The following DNAH14 variants were observed in gnomAD, a reference collection of about 807,000 sequenced individuals.
DNAH14 encodes the protein axonemal beta dynein heavy chain 14.
DNAH14 carries 478 observed loss-of-function variants against 520.9 expected under a neutral mutation model. That is an observed-to-expected ratio of 0.92 (90% CI 0.85 to 0.99). The LOEUF is 0.99. DNAH14 is among the 50% of genes least tolerant of loss of function. DNAH14 has a pLI of 0.00. For missense variants in DNAH14, 4,831 were observed against 5,234.5 expected, an observed-to-expected ratio of 0.92 and a Z score of 2.38; for synonymous variants, 1,581 against 1,757.2, an observed-to-expected ratio of 0.90 and a Z score of 2.51.
chr1:225,224,044 T>C (rs778310033), intron 41 of DNAH14, among the ~76,000 whole-genome samples: 1 of 152,118 alleles, frequency 6.6e-6, no homozygotes, highest in Non-Finnish European at 1.5e-5. Context: ...CATACTAACT[T>C]CCTGGTCAGT....
chr1:224,931,688 A>G (rs1038433284), intron 1 of DNAH14, among the ~76,000 whole-genome samples: 1 of 152,174 alleles, frequency 6.6e-6, no homozygotes, highest in Non-Finnish European at 1.5e-5. Flanking sequence ...GCTCCCACAT[A>G]TAAGTGAGAA....
intron 10 of DNAH14, among the ~76,000 whole-genome samples, chr1:225,011,592 G>A (rs571274769): frequency 1.3e-5 from 2 of 152,206 alleles, no homozygotes; most frequent in South Asian, 4.1e-4. Flanking sequence ...CTAAGAACTT[G>A]CTTTATGAAT....
intron 10 of DNAH14, among the ~76,000 whole-genome samples, chr1:225,016,879 A>G (rs1433772211): frequency 6.6e-6 from 1 of 151,332 alleles, no homozygotes; most frequent in Non-Finnish European, 1.5e-5. Context: ...TTTCAGTTCT[A>G]GGATTTCTAT....
intron 38 of DNAH14, among the ~76,000 whole-genome samples, chr1:225,193,174 A>G (rs949798799): frequency 6.6e-6 from 1 of 152,196 alleles, no homozygotes; most frequent in African/African-American, 2.4e-5. Flanking sequence ...TTAAGTTTGA[A>G]TGGAAAATGA....
chr1:225,173,397 T>C (rs1335257336), intron 36 of DNAH14, among the ~76,000 whole-genome samples: 5 of 152,014 alleles, frequency 3.3e-5, no homozygotes, highest in Non-Finnish European at 7.4e-5. Context: ...TACAAAGAAC[T>C]CAAACAAATC....
rs1158765780 is a variant in DNAH14, at chr1:225,331,536, C to T, written c.9823C>T (p.Gln3275Ter). 15 of 1,551,370 alleles carry T rather than the reference C, an allele frequency of 9.7e-6. No homozygotes were observed. In the South Asian group the frequency reaches 1.7e-4, roughly 17 times the overall value. The change falls in exon 65 of 86, where the codon CAG (glutamine) becomes TAG (stop). Residue 3275 changes from glutamine to a stop codon, truncating the protein, a stop_gained. Coordinates refer to ENST00000682510, the MANE Select transcript of DNAH14 (RefSeq NM_001367479.1). LOFTEE classifies it high-confidence loss of function. ...NRKTMASRRF[Q>*]CASVLLTVLE... ...GAAAACAATGGCCAGCAGGCGCTTT[C>T]AGTGTGCGTCAGTCTTACTAACTGT...
rs539608482 is a variant in DNAH14, at chr1:225,021,889, A to G, written c.1108-1726A>G. ...ATTACCCGACTTCAAACTATACAAG[A>G]CTACAGTAACCAAACAGCATGGTAA... On this transcript the variant is annotated intron_variant, in intron 10 of 85. Coordinates refer to ENST00000682510, the MANE Select transcript of DNAH14 (RefSeq NM_001367479.1). 9.2e-5 allele frequency among the ~76,000 whole-genome samples: 14 copies of G among 152,254 alleles called. No individual in the cohort carries two copies. The East Asian group carries it at 1.9e-3, about 21-fold the overall frequency.
intron 13 of DNAH14, among the ~76,000 whole-genome samples, chr1:225,043,403 G>C (rs771157502): frequency 2.0e-5 from 3 of 151,950 alleles, no homozygotes; most frequent in Non-Finnish European, 4.4e-5. Context: ...AAATCTTAAG[G>C]TAAATACTGC....
chr1:225,162,249 A>G (rs957397144), intron 35 of DNAH14, among the ~76,000 whole-genome samples: 14 of 152,180 alleles, frequency 9.2e-5, no homozygotes, highest in African/African-American at 3.1e-4. Context: ...TCCCAGCACC[A>G]TTTATTGAAG....
intron 81 of DNAH14, among the ~76,000 whole-genome samples, chr1:225,387,242 G>C (rs368809693): frequency 8.6e-5 from 13 of 152,000 alleles, no homozygotes; most frequent in Admixed American, 3.3e-4. Flanking sequence ...TGTCATGTGT[G>C]GGGGGGAGGG....
chr1:224,953,806 T>G (rs1029937508), intron 2 of DNAH14, among the ~76,000 whole-genome samples: 1 of 152,170 alleles, frequency 6.6e-6, no homozygotes, highest in African/African-American at 2.4e-5. Flanking sequence ...TAAAGACTTA[T>G]GTATTAATTA....
At chr1:225,036,527 G>A (rs1371703969) in intron 11 of DNAH14, among the ~76,000 whole-genome samples, 1 of 152,162 alleles carries the variant, frequency 6.6e-6, no homozygotes, top group East Asian at 1.9e-4. Flanking sequence ...CTGGGAGGGA[G>A]AGTTGCGTGT....
In DNAH14 at chr1:225,364,905, A is replaced by G. The variant is rs1471586348; in HGVS notation, c.12090+11A>G. On this transcript the variant is annotated intron_variant, in intron 76 of 85. Coordinates refer to ENST00000682510, the MANE Select transcript of DNAH14 (RefSeq NM_001367479.1). ...AAAAAGGGTTTAAAGGTAAGAACAA[A>G]GTATAACAGATTTAATGTTGACTGA... 3.9e-6 allele frequency: 6 copies of G among 1,524,492 alleles called. No homozygotes were observed. The highest frequency in any genetic ancestry group is 2.5e-5 in the East Asian group (1 of 40,678). 94.4% of individuals were successfully genotyped at this position (1,524,492 alleles called of 1,614,324 possible).
In DNAH14 at chr1:224,978,617, T is replaced by C. The variant is rs144123687; in HGVS notation, c.830+4464T>C. On this transcript the variant is annotated intron_variant, in intron 8 of 85. Coordinates refer to ENST00000682510, the MANE Select transcript of DNAH14 (RefSeq NM_001367479.1). ...CAATAATTCATTACATTTTTTCAAA[T>C]AGTTAGAAGATTTTGCATTTTATTC... is the stretch of plus-strand genomic sequence containing the variant. Among the ~76,000 whole-genome samples the C allele has an allele frequency of 1.7e-4, 26 of 152,284 alleles. No individual in the cohort carries two copies. The East Asian group carries it at 4.1e-3, about 24-fold the overall frequency.
At chr1:225,005,199 G>A (rs976543054) in intron 9 of DNAH14, among the ~76,000 whole-genome samples, 1 of 152,208 alleles carries the variant, frequency 6.6e-6, no homozygotes, top group Non-Finnish European at 1.5e-5. Flanking sequence ...TCATATTCGG[G>A]TGAAGTTTGT....
At chr1:225,230,125 CAG>C (rs1285061538) in intron 41 of DNAH14, among the ~76,000 whole-genome samples, 2 of 151,882 alleles carry the variant, frequency 1.3e-5, no homozygotes, top group African/African-American at 2.4e-5. Context: ...AATAAATAAT[CAG>C]AGAAGCATAG....
At chr1:225,386,158 G>C (rs945193965) in intron 81 of DNAH14, among the ~76,000 whole-genome samples, 3 of 152,194 alleles carry the variant, frequency 2.0e-5, no homozygotes, top group African/African-American at 7.2e-5. Context: ...AAATGGTGCT[G>C]GGAAAACTGG....
intron 42 of DNAH14, among the ~76,000 whole-genome samples, chr1:225,239,914 A>T (rs1478456920): frequency 6.6e-6 from 1 of 152,210 alleles, no homozygotes; most frequent in African/African-American, 2.4e-5. Flanking sequence ...AACTATATGA[A>T]ATGTCTTTAA....
intron 17 of DNAH14, among the ~76,000 whole-genome samples, chr1:225,052,819 G>A (rs1008108825): frequency 6.6e-6 from 1 of 152,134 alleles, no homozygotes; most frequent in Non-Finnish European, 1.5e-5. Flanking sequence ...AGGTAACAGT[G>A]GCTTACACAA....
Sources: allele counts gnomAD v4.1 joint callset (sites outside exome capture counted in the v4.1 genomes callset), GRCh38; gene constraint gnomAD v4.1.1; transcripts MANE v1.5; gene names NCBI Gene and HGNC (gene_info 2026-07-23, HGNC 2026-07-21).